The following WDR89 variants were observed in gnomAD, a reference collection of about 807,000 sequenced individuals.
The protein encoded by WDR89 is WD repeat-containing protein 89.
A neutral mutation model predicts 29.1 loss-of-function variants in WDR89; 17 were observed. The ratio of observed to expected loss-of-function variants is 0.58; its 90% CI spans 0.40 to 0.88. WDR89 has a LOEUF of 0.88. WDR89 is among the 40% of genes least tolerant of loss of function. The probability of loss-of-function intolerance (pLI) is 0.00; values close to 1 mark genes in which losing one functional copy is unlikely to be tolerated. For synonymous variants in WDR89, 138 were observed against 157.8 expected, an observed-to-expected ratio of 0.87 and a Z score of 0.94; for missense variants, 396 against 456.3, an observed-to-expected ratio of 0.87 and a Z score of 1.20.
rs781290862 is a variant in WDR89, at chr14:63,599,526, A to G, written c.417T>C (p.Asp139=). ...CATCCCAAAACACCAACAATGCATC[A>G]TCATCAACTTTTTCTGTACCAGCAC... ...IICAGTEKVD[D]DALLVFWDAR... The change falls in exon 3 of 3, where the codon GAT becomes GAC. Residue 139 remains aspartate (D), a synonymous_variant. Coordinates refer to ENST00000620954, the MANE Select transcript of WDR89 (RefSeq NM_080666.4). The G allele has an allele frequency of 2.7e-5, 44 of 1,614,104 alleles. No homozygotes were observed. In the South Asian group the frequency reaches 3.5e-4, roughly 13 times the overall value.
chr14:63,602,772 C>CA (rs10638554), intron 2 of WDR89, among the ~76,000 whole-genome samples: 10,646 of 101,612 alleles, frequency 0.1, 680 homozygotes, highest in African/African-American at 0.21. Flanking sequence ...AACTCCATCT[C>CA]AAAAAAAAAA....
In WDR89 at chr14:63,610,219, T is replaced by TAAAAAA. The variant is rs56984803; in HGVS notation, c.-31-10252_-31-10247dup. On this transcript the variant is annotated intron_variant, in intron 2 of 2. Transcript: ENST00000620954. ...GGGGCGACAGAGTAAGACTCTGTCTTAAAAAAAAAAAAAAAAAAAAAAAAA... is the reference window on the plus strand; with the variant it reads ...GGGGCGACAGAGTAAGACTCTGTCTTAAAAAAAAAAAAAAAAAAAAAAAAAAAAAAA... Among the ~76,000 whole-genome samples, 127 of 65,290 alleles carry TAAAAAA rather than the reference T, an allele frequency of 1.9e-3. 1 individual carries two copies. Among genetic ancestry groups the TAAAAAA allele is most frequent in the East Asian group, 8.6e-3 (17 of 1,972 alleles). The allele number at this position is 65,290 out of a possible 152,430, so 42.8% of individuals were successfully genotyped here.
At chr14:63,629,002 T>C (rs921898805) in intron 1 of WDR89, among the ~76,000 whole-genome samples, 3 of 152,134 alleles carry the variant, frequency 2.0e-5, no homozygotes, top group African/African-American at 7.2e-5. Flanking sequence ...CAAACTCTTA[T>C]TAGTCAAAGT....
intron 1 of WDR89, among the ~76,000 whole-genome samples, chr14:63,630,088 T>C (rs1326666328): frequency 2.0e-5 from 3 of 151,974 alleles, no homozygotes; most frequent in Admixed American, 6.6e-5. Context: ...GCTGGGACTA[T>C]AGGCATATGC....
intron 2 of WDR89, among the ~76,000 whole-genome samples, chr14:63,620,248 T>TC (rs1038278970): frequency 4.6e-5 from 7 of 152,168 alleles, no homozygotes; most frequent in Non-Finnish European, 1.0e-4. Context: ...GAATACTACC[T>TC]CAGCCTTAAA....
At chr14:63,624,071 C>CAAAA (rs1566797380) in intron 2 of WDR89, among the ~76,000 whole-genome samples, 2 of 152,092 alleles carry the variant, frequency 1.3e-5, no homozygotes, top group Non-Finnish European at 2.9e-5. Flanking sequence ...GAATCTATGA[C>CAAAA]CTTTGGTTAG....
rs1013661653 is a variant in WDR89, at chr14:63,600,029, TA to T, written c.-31-57del. ...ATTAATGCTTAACAAGGGAGACACATAAAAAAATTTAACTTGAAGTTTCTCT... is the reference window on the plus strand; with the variant it reads ...ATTAATGCTTAACAAGGGAGACACATAAAAAATTTAACTTGAAGTTTCTCT... On this transcript the variant is annotated intron_variant, in intron 2 of 2. Coordinates refer to ENST00000620954, the MANE Select transcript of WDR89 (RefSeq NM_080666.4). 58 of 1,074,984 alleles carry T rather than the reference TA, an allele frequency of 5.4e-5. No homozygotes were observed. In the African/African-American group the frequency reaches 7.2e-4, roughly 13 times the overall value. 66.6% of individuals were successfully genotyped at this position (1,074,984 alleles called of 1,614,324 possible). A position where few individuals can be genotyped will look rare whatever the true frequency, so the allele number is the denominator to read the frequency against.
chr14:63,616,993 CA>C (rs560043617), intron 2 of WDR89, among the ~76,000 whole-genome samples: 259 of 116,030 alleles, frequency 2.2e-3, no homozygotes, highest in Middle Eastern at 4.9e-3. Flanking sequence ...ATTCTTGTCT[CA>C]AAAAAAAAAA....
At position 63,622,985 on chromosome 14, in the gene WDR89, G is replaced by A. The variant is rs867826830; in HGVS notation, c.-32+1943C>T. Among the ~76,000 whole-genome samples the A allele has an allele frequency of 4.6e-5, 7 of 150,680 alleles. No individual in the cohort carries two copies. In the East Asian group the frequency reaches 1.2e-3, roughly 26 times the overall value. On this transcript the variant is annotated intron_variant, in intron 2 of 2. Transcript: ENST00000620954. ...GTGGCCAAGGTGGGTGGGTCACTTC[G>A]ACCTAGGAGTTCGAGACCAGCTGGG...
At chr14:63,640,871 G>A (rs909093320) in intron 1 of WDR89, among the ~76,000 whole-genome samples, 1 of 150,334 alleles carries the variant, frequency 6.7e-6, no homozygotes, top group East Asian at 2.0e-4. Context: ...GCAGAGGCGA[G>A]TGGATCACCT....
intron 2 of WDR89, among the ~76,000 whole-genome samples, chr14:63,606,560 T>C (rs1351866347): frequency 6.6e-6 from 1 of 152,198 alleles, no homozygotes; most frequent in African/African-American, 2.4e-5. Flanking sequence ...TAAAATGCTG[T>C]ACAGTGTAGT....
intron 1 of WDR89, among the ~76,000 whole-genome samples, chr14:63,639,915 G>C (rs1158687495): frequency 1.3e-5 from 2 of 152,158 alleles, no homozygotes; most frequent in Admixed American, 6.5e-5. Context: ...TCAGAAGTTC[G>C]AGGCTGCAGT....
intron 2 of WDR89, among the ~76,000 whole-genome samples, chr14:63,623,927 AT>A (rs1375315658): frequency 2.0e-5 from 3 of 152,060 alleles, no homozygotes; most frequent in Admixed American, 6.6e-5. Flanking sequence ...CCATGCAAAT[AT>A]TAATAAAAAG....
chr14:63,623,422 G>A lies in WDR89; in HGVS notation c.-32+1506C>T, dbSNP rs111681012. On this transcript the variant is annotated intron_variant, in intron 2 of 2. Transcript: ENST00000620954. Reference sequence around the variant, plus strand: ...GGTAGATTTAAATCCAACTATACCTGGCCGGGCATGGTGGTTCACGCCTGT... The same window carrying A: ...GGTAGATTTAAATCCAACTATACCTAGCCGGGCATGGTGGTTCACGCCTGT... 4.6e-5 allele frequency among the ~76,000 whole-genome samples: 7 copies of A among 151,836 alleles called. No individual in the cohort carries two copies. In the East Asian group the frequency reaches 7.7e-4, roughly 17 times the overall value.
chr14:63,639,502 C>T (rs140682548), intron 1 of WDR89, among the ~76,000 whole-genome samples: 237 of 151,428 alleles, frequency 1.6e-3, no homozygotes, highest in Admixed American at 6.0e-3. Flanking sequence ...TTCGAAGTCA[C>T]TAAATCTGTT....
At chr14:63,633,801 T>A (rs1883554914) in intron 1 of WDR89, among the ~76,000 whole-genome samples, 1 of 152,232 alleles carries the variant, frequency 6.6e-6, no homozygotes, top group African/African-American at 2.4e-5. Flanking sequence ...ATTATTGAAC[T>A]ATCCAGAAAA....
rs1882938498 is a variant in WDR89 at position 63,625,021 on chromosome 14, A to G, written c.-125T>C. 6.6e-6 allele frequency: 1 copy of G among 152,214 alleles called. No individual in the cohort carries two copies. Among genetic ancestry groups the G allele is most frequent in the Non-Finnish European group, 1.5e-5 (1 of 68,040 alleles). 9.4% of individuals were successfully genotyped at this position (152,214 alleles called of 1,614,324 possible). On this transcript the variant is annotated 5_prime_UTR_variant, in exon 2 of 3. Transcript: ENST00000620954. ...ACGTGTTCATCACTATTTTATTTATAATAGCCAAATACCTAGAAAAAAACA... is the reference window on the plus strand; with the variant it reads ...ACGTGTTCATCACTATTTTATTTATGATAGCCAAATACCTAGAAAAAAACA...
chr14:63,603,924 C>G (rs139947439), intron 2 of WDR89, among the ~76,000 whole-genome samples: 1 of 152,204 alleles, frequency 6.6e-6, no homozygotes, highest in African/African-American at 2.4e-5. Flanking sequence ...ACCTTGAACA[C>G]GTCAGGCTTG....
At chr14:63,625,541 T>TA (rs1385754231) in intron 1 of WDR89, among the ~76,000 whole-genome samples, 7 of 152,008 alleles carry the variant, frequency 4.6e-5, no homozygotes, top group African/African-American at 1.7e-4. Flanking sequence ...AAACAAAACA[T>TA]AAAAAGTCAT....
Sources: allele counts gnomAD v4.1 joint callset (sites outside exome capture counted in the v4.1 genomes callset), GRCh38; gene constraint gnomAD v4.1.1; transcripts MANE v1.5; gene names NCBI Gene and HGNC (gene_info 2026-07-23, HGNC 2026-07-21).